PDZD2: variants seen among roughly 807,000 people sequenced by gnomAD.
PDZD2 encodes PDZ domain-containing protein 2.
In PDZD2, 90 loss-of-function variants were observed where a neutral mutation model predicts 220.7. The observed-to-expected ratio is 0.41, with a 90% CI of 0.34 to 0.49. The LOEUF is 0.49. Among genes scored for constraint, PDZD2 ranks in the 20% least tolerant of loss-of-function variants. The pLI, the probability that PDZD2 is intolerant of heterozygous loss-of-function variation, is 0.28. For missense variants in PDZD2, 3,174 were observed against 3,608.5 expected, an observed-to-expected ratio of 0.88 and a Z score of 3.08; for synonymous variants, 1,375 against 1,450.5, an observed-to-expected ratio of 0.95 and a Z score of 1.18.
intron 13 of PDZD2, among the ~76,000 whole-genome samples, chr5:32,059,877 T>C (rs1285705785): frequency 1.3e-5 from 2 of 152,218 alleles, no homozygotes; most frequent in African/African-American, 4.8e-5. Flanking sequence ...TCACTGAGTG[T>C]CTGATTTCTT....
rs768642055 is a variant in PDZD2 at position 32,090,181 on chromosome 5, C to T, written c.6733C>T (p.Arg2245Cys). Residue 2245 changes from arginine to cysteine, a missense_variant, in exon 20 of 25, where the codon CGC becomes TGC. Transcript: ENST00000438447. The surrounding 1 kb of genome is among the most constrained non-coding windows in gnomAD (Gnocchi z 4.3). Reference sequence around the variant, plus strand: ...GGGTCACCCCCCACACAGCCTGGGTCGCTCTCGGGACAGCCAGGTCCCTGT... The same window carrying T: ...GGGTCACCCCCCACACAGCCTGGGTTGCTCTCGGGACAGCCAGGTCCCTGT... The part of the protein sequence containing the change: ...REGHPPHSLG[R>C]SRDSQVPVTS... 43 of 1,614,068 alleles carry T rather than the reference C, an allele frequency of 2.7e-5. No homozygotes were observed. The highest frequency in any genetic ancestry group is 1.2e-4 in the Admixed American group (7 of 60,018).
At chr5:31,831,696 C>T (rs1030581864) in intron 2 of PDZD2, among the ~76,000 whole-genome samples, 11 of 150,978 alleles carry the variant, frequency 7.3e-5, no homozygotes, top group Non-Finnish European at 7.4e-5. Context: ...TGCAGTGAGC[C>T]GAGATTGCGC....
chr5:31,785,531 A>G (rs1425560818), intron 1 of PDZD2, among the ~76,000 whole-genome samples: 1 of 151,560 alleles, frequency 6.6e-6, no homozygotes, highest in African/African-American at 2.4e-5. Flanking sequence ...GCCTTAAACT[A>G]CTGGGCTCAA....
chr5:32,101,367 A>G (rs1744243231), intron 24 of PDZD2, 128 bp downstream of exon 24: 1 of 881,686 alleles, frequency 1.1e-6, no homozygotes, highest in South Asian at 1.8e-5. Context: ...TGTGACATAC[A>G]AGGTTTATTC....
chr5:31,781,395 C>G (rs1405700442), intron 1 of PDZD2, among the ~76,000 whole-genome samples: 2 of 152,170 alleles, frequency 1.3e-5, no homozygotes, highest in African/African-American at 4.8e-5. Flanking sequence ...GCCTGGGCGA[C>G]AGAGCCAGAC....
rs563645280 is a variant in PDZD2, at chr5:31,799,962, C to T, written c.476+238C>T. 1.0e-3 allele frequency among the ~76,000 whole-genome samples: 157 copies of T among 152,246 alleles called. 7 individuals carry two copies. The South Asian group carries it at 0.031, about 30-fold the overall frequency. On this transcript the variant is annotated intron_variant, in intron 2 of 24. Coordinates refer to ENST00000438447, the MANE Select transcript of PDZD2 (RefSeq NM_178140.4). Reference sequence around the variant, plus strand: ...CCCATATCACCTTAGTCCCAGCAACCGTGAGGCTCCCAGACTCACAGTCCA... The same window carrying T: ...CCCATATCACCTTAGTCCCAGCAACTGTGAGGCTCCCAGACTCACAGTCCA...
chr5:31,639,956 A>C lies in PDZD2; in HGVS notation c.-361+519A>C, dbSNP rs575351888. 6.6e-6 allele frequency among the ~76,000 whole-genome samples: 1 copy of C among 152,154 alleles called. No homozygotes were observed. The highest frequency in any genetic ancestry group is 2.0e-4 in the East Asian group (1 of 5,128). On this transcript the variant is annotated intron_variant, in intron 1 of 24. Transcript: ENST00000438447. The surrounding 1 kb of genome is among the most constrained non-coding windows in gnomAD (Gnocchi z 4.1). ...GGGCGAGGGAATGCAGGGGGCGCGCAAAGATCAAGGGCATCTTAGGGCCGG... is the reference window on the plus strand; with the variant it reads ...GGGCGAGGGAATGCAGGGGGCGCGCCAAGATCAAGGGCATCTTAGGGCCGG...
intron 2 of PDZD2, among the ~76,000 whole-genome samples, chr5:31,961,904 C>G (rs950735865): frequency 6.9e-6 from 1 of 144,286 alleles, no homozygotes; most frequent in African/African-American, 2.5e-5. Flanking sequence ...GCAGGAACCA[C>G]CAAGCCTAGT....
At chr5:32,080,908 G>A (rs1741878968) in intron 19 of PDZD2, among the ~76,000 whole-genome samples, 1 of 151,974 alleles carries the variant, frequency 6.6e-6, no homozygotes, top group Non-Finnish European at 1.5e-5. Context: ...ATCACACACT[G>A]GAGCCTGTTG....
At chr5:31,766,522 T>C (rs1375565672) in intron 1 of PDZD2, among the ~76,000 whole-genome samples, 1 of 151,984 alleles carries the variant, frequency 6.6e-6, no homozygotes, top group African/African-American at 2.4e-5. Flanking sequence ...CCCGAGTAGG[T>C]GGGACTACAA....
At chr5:31,748,061 T>G (rs978088746) in intron 1 of PDZD2, 1 of 152,214 alleles carries the variant, frequency 6.6e-6, no homozygotes, top group Non-Finnish European at 1.5e-5. Context: ...AATGATACCA[T>G]GGGTGGCTGG....
At chr5:31,785,594 C>A (rs1753334687) in intron 1 of PDZD2, among the ~76,000 whole-genome samples, 1 of 151,860 alleles carries the variant, frequency 6.6e-6, no homozygotes, top group Non-Finnish European at 1.5e-5. Flanking sequence ...GTGTGCAGCA[C>A]CAGACCCAGC....
chr5:31,875,116 C>T (rs1739187276), intron 2 of PDZD2, among the ~76,000 whole-genome samples: 1 of 152,088 alleles, frequency 6.6e-6, no homozygotes. Flanking sequence ...TGGCCATGTC[C>T]ATGGAGTCAT....
chr5:32,090,263 C>T lies in PDZD2; in HGVS notation c.6815C>T (p.Ala2272Val). 6.2e-7 allele frequency: 1 copy of T among 1,614,192 alleles called. No homozygotes were observed. Among genetic ancestry groups the T allele is most frequent in the Non-Finnish European group, 8.5e-7 (1 of 1,180,026 alleles). ...TCCAGAGGTGGTCTTCCCAGCCTGG[C>T]TAATGGACAGGGCATATATAGTGTA... ...KASRGGLPSL[A>V]NGQGIYSVKP... The change falls in exon 20 of 25, where the codon GCT becomes GTT. Residue 2272 changes from alanine (A) to valine (V), a missense_variant. This residue lies in a region of PDZD2 where 631 missense variants were observed against 789.9 expected (regional missense o/e 0.80). Transcript: ENST00000438447. The surrounding 1 kb of genome is among the most constrained non-coding windows in gnomAD (Gnocchi z 4.3).
chr5:31,827,035 C>T (rs373464732), intron 2 of PDZD2, among the ~76,000 whole-genome samples: 2 of 152,116 alleles, frequency 1.3e-5, no homozygotes, highest in Non-Finnish European at 1.5e-5. Flanking sequence ...CAGAAAGGAG[C>T]GTAACCTTCC....
chr5:31,954,105 G>A (rs1320734873), intron 2 of PDZD2, among the ~76,000 whole-genome samples: 3 of 151,980 alleles, frequency 2.0e-5, no homozygotes, highest in Non-Finnish European at 4.4e-5. Flanking sequence ...AACAGAGTGA[G>A]ACACTGTCCC....
intron 24 of PDZD2, 131 bp from the exon 25 acceptor site, chr5:32,107,838 T>TAAGA: frequency 1.8e-6 from 1 of 549,390 alleles, no homozygotes; most frequent in Non-Finnish European, 3.1e-6. Context: ...TTTTGTGTTC[T>TAAGA]AAGAAATATT....
rs1561507832 is a variant in PDZD2 at position 31,850,085 on chromosome 5, A to AGTATATATATGTGTATATATAC, written c.476+50370_476+50371insTGTGTATATATACGTATATATA. Among the ~76,000 whole-genome samples, 10 of 137,680 alleles carry AGTATATATATGTGTATATATAC rather than the reference A, an allele frequency of 7.3e-5. 1 individual carries two copies. The highest frequency in any genetic ancestry group is 1.2e-4 in the Non-Finnish European group (8 of 64,032). The allele number at this position is 137,680 out of a possible 152,430, so 90.3% of individuals were successfully genotyped here. A position where few individuals can be genotyped will look rare whatever the true frequency, so the allele number is the denominator to read the frequency against. On this transcript the variant is annotated intron_variant, in intron 2 of 24. Coordinates refer to ENST00000438447, the MANE Select transcript of PDZD2 (RefSeq NM_178140.4). ...ATAAGTATATATATGTGTATATATAAGTATATATACGTGTATATATAAGTA... is the reference window on the plus strand; with the variant it reads ...ATAAGTATATATATGTGTATATATAAGTATATATATGTGTATATATACGTATATATACGTGTATATATAAGTA...
intron 1 of PDZD2, among the ~76,000 whole-genome samples, chr5:31,682,130 C>T (rs1028660624): frequency 6.6e-6 from 1 of 152,074 alleles, no homozygotes; most frequent in Non-Finnish European, 1.5e-5. Flanking sequence ...AAACTAGAGG[C>T]GAGAGCGAGG....
Sources: allele counts gnomAD v4.1 joint callset (sites outside exome capture counted in the v4.1 genomes callset), GRCh38; gene constraint gnomAD v4.1.1; regional missense constraint gnomAD v4.1.1; non-coding constraint Gnocchi (gnomAD v3.1); transcripts MANE v1.5; gene names NCBI Gene and HGNC (gene_info 2026-07-23, HGNC 2026-07-21).